Variants in ACHE observed in about 807,000 individuals in gnomAD.
ACHE encodes acetylcholinesterase (Yt blood group), also known as acetylcholinesterase.
ACHE carries 19 observed loss-of-function variants against 53.9 expected under a neutral mutation model. That is an observed-to-expected ratio of 0.35 (90% CI 0.25 to 0.52). The LOEUF is 0.52. Among genes scored for constraint, ACHE ranks in the 20% least tolerant of loss-of-function variants. ACHE has a pLI of 0.95. For synonymous variants in ACHE, 392 were observed against 378.1 expected (o/e 1.04, Z -0.43); for missense variants, 605 against 849.4 (o/e 0.71, Z 3.58).
At position 100,890,424 on chromosome 7, in the gene ACHE, A is replaced by T. The variant is rs1790598904; in HGVS notation, c.1724-89T>A. 4 of 1,527,486 alleles carry T rather than the reference A, an allele frequency of 2.6e-6. No homozygotes were observed. In the South Asian group the frequency reaches 4.9e-5, roughly 19 times the overall value. 94.6% of individuals were successfully genotyped at this position (1,527,486 alleles called of 1,614,324 possible). ...CATTTGGGCGGGTTGAAGGGGGGGT[A>T]TGAGTGCAGGGAGGACGCACGGAGA... On this transcript the variant is annotated intron_variant, in intron 4 of 4. Transcript: ENST00000241069.
Position 100,893,187 on chromosome 7 carries a change from G to A in ACHE, c.1046C>T (p.Ala349Val), listed in dbSNP as rs750142131. The A allele has an allele frequency of 1.4e-4, 223 of 1,613,868 alleles. 1 individual carries two copies. Among genetic ancestry groups the A allele is most frequent in the East Asian group, 2.2e-5 (1 of 44,876 alleles). The change falls in exon 2 of 5, where the codon GCG becomes GTG. Residue 349 changes from alanine to valine, a missense_variant. Coordinates refer to ENST00000241069, the MANE Select transcript of ACHE (RefSeq NM_000665.5). ...TACCTGCAGGCCGTGGAAGTCTCCC[G>A]CGTTGATGAGGGCCTCTGGGGTGTC... ...LSDTPEALIN[A>V]GDFHGLQVLV... is the part of the protein sequence containing the mutation.
Position 100,892,701 on chromosome 7 carries a change from C to T in ACHE, c.1186G>A (p.Val396Ile), listed in dbSNP as rs41281001. The T allele has an allele frequency of 1.2e-6, 2 of 1,613,620 alleles. No homozygotes were observed. ...SRAEFLAGVR[V>I]GVPQVSDLAA... Reference sequence around the variant, plus strand: ...AGGTCACTTACCTGGGGAACCCCGACCCGCACCCCGGCCAGGAACTCGGCC... The same window carrying T: ...AGGTCACTTACCTGGGGAACCCCGATCCGCACCCCGGCCAGGAACTCGGCC... The change falls in exon 3 of 5, where the codon GTC (valine) becomes ATC (isoleucine). Residue 396 changes from valine (V) to isoleucine (I), a missense_variant. By Grantham distance (29) the Val-to-Ile change is conservative. Around this residue, in one of 4 missense-constraint regions of ACHE, gnomAD observed 397 missense variants for 632.5 expected, o/e 0.63. Coordinates refer to ENST00000241069, the MANE Select transcript of ACHE (RefSeq NM_000665.5). This position sits in a 1 kb window ranked among gnomAD's most constrained non-coding sequence, Gnocchi z 5.2.
Position 100,890,155 on chromosome 7 carries a change from A to G in ACHE, c.*59T>C. 6.3e-7 allele frequency: 1 copy of G among 1,592,884 alleles called. No individual in the cohort carries two copies. Among genetic ancestry groups the G allele is most frequent in the Admixed American group, 1.7e-5 (1 of 59,234 alleles). Reference sequence around the variant, plus strand: ...CTGTGTTATAGCCCAGCCCTGAAATAAATAGTATATACAGCTAGGGGGCCG... The same window carrying G: ...CTGTGTTATAGCCCAGCCCTGAAATGAATAGTATATACAGCTAGGGGGCCG... On this transcript the variant is annotated 3_prime_UTR_variant, in exon 5 of 5. Transcript: ENST00000241069.
chr7:100,890,439 A>G (rs1790599923), intron 4 of ACHE, 104 bp from the exon 5 acceptor site: 1 of 1,489,152 alleles, frequency 6.7e-7, no homozygotes, highest in East Asian at 2.5e-5. Flanking sequence ...TGCAGGGAGG[A>G]CGCACGGAGA....
intron 4 of ACHE, 183 bp from the exon 5 acceptor site, chr7:100,890,518 G>A: frequency 7.0e-7 from 1 of 1,428,060 alleles, no homozygotes; most frequent in African/African-American, 1.4e-5. Context: ...GAGGGAGGAT[G>A]AGGGCAGAGG....
chr7:100,893,589 T>G lies in ACHE; in HGVS notation c.644A>C (p.Gln215Pro). ...ACCCCCGAAGGCTGCCACGTTCTCC[T>G]GCACCCACTGCAGGGCCAGCCTCTG... ...LDQRLALQWV[Q>P]ENVAAFGGDP... Residue 215 changes from glutamine to proline, a missense_variant, in exon 2 of 5, where the codon CAG becomes CCG. Physicochemically the swap from Gln to Pro is moderately conservative, Grantham distance 76. Coordinates refer to ENST00000241069, the MANE Select transcript of ACHE (RefSeq NM_000665.5). 1 of 1,612,526 alleles carries G rather than the reference T, an allele frequency of 6.2e-7. No homozygotes were observed. The highest frequency in any genetic ancestry group is 8.5e-7 in the Non-Finnish European group (1 of 1,180,016).
chr7:100,891,063 T>C lies in ACHE; in HGVS notation c.1723+106A>G. On this transcript the variant is annotated intron_variant, in intron 4 of 4. Coordinates refer to ENST00000241069, the MANE Select transcript of ACHE (RefSeq NM_000665.5). ...GAGCAGCCTCCCCATGGGTGAAGCC[T>C]GGGCAGGTGCTGGGAGCCTCCGAGG... The C allele has an allele frequency of 4.7e-6, 7 of 1,500,866 alleles. No homozygotes were observed. In the South Asian group the frequency reaches 9.0e-5, roughly 19 times the overall value. The allele number at this position is 1,500,866 out of a possible 1,614,324, so 93.0% of individuals were successfully genotyped here.
At position 100,890,250 on chromosome 7, in the gene ACHE, G is replaced by A; in HGVS notation, c.1809C>T (p.Asp603=). 2.5e-6 allele frequency: 4 copies of A among 1,613,882 alleles called. No individual in the cohort carries two copies. The highest frequency in any genetic ancestry group is 3.4e-6 in the Non-Finnish European group (4 of 1,179,852). The change falls in exon 5 of 5, where the codon GAC becomes GAT. Residue 603 remains aspartate (D), a synonymous_variant. Coordinates refer to ENST00000241069, the MANE Select transcript of ACHE (RefSeq NM_000665.5). ...AGCAGCGATCCTGCTTGCTGTAGTGGTCGAACTGGTTCTTCCAGTGCACCA... is the reference window on the plus strand; with the variant it reads ...AGCAGCGATCCTGCTTGCTGTAGTGATCGAACTGGTTCTTCCAGTGCACCA... ...SYMVHWKNQF[D]HYSKQDRCSD...
intron 4 of ACHE, chr7:100,890,910 C>G: frequency 6.8e-7 from 1 of 1,472,682 alleles, no homozygotes; most frequent in Non-Finnish European, 9.0e-7. Context: ...ACGGTCCGAC[C>G]ACTCATTAGA....
Position 100,892,531 on chromosome 7 carries a change from C to T in ACHE, c.1356G>A (p.Gln452=), listed in dbSNP as rs145683970. ...VAQLAGRLAA[Q]GARVYAYVFE... ...AGACGTAGGCGTAGACCCGGGCACC[C>T]TGGGCAGCCAGTCGCCCAGCCAGCT... Residue 452 remains glutamine (Q), a synonymous_variant, in exon 3 of 5, where the codon CAG becomes CAA. Coordinates refer to ENST00000241069, the MANE Select transcript of ACHE (RefSeq NM_000665.5). The surrounding 1 kb of genome is among the most constrained non-coding windows in gnomAD (Gnocchi z 5.2). 6.8e-6 allele frequency: 11 copies of T among 1,609,248 alleles called. No homozygotes were observed. Among genetic ancestry groups the T allele is most frequent in the Non-Finnish European group, 9.3e-6 (11 of 1,176,752 alleles).
upstream of ACHE, chr7:100,896,764 C>T: frequency 3.1e-6 from 1 of 319,450 alleles, no homozygotes; most frequent in South Asian, 2.1e-5. Flanking sequence ...TGGGAGCGGC[C>T]TGGCTCGGGC....
rs1206451388 is a variant in ACHE, at chr7:100,892,497, G to A, written c.1390C>T (p.Arg464Cys). The A allele has an allele frequency of 1.3e-6, 2 of 1,591,916 alleles. No homozygotes were observed. Among genetic ancestry groups the A allele is most frequent in the Non-Finnish European group, 1.7e-6 (2 of 1,162,988 alleles). ...ARVYAYVFEH[R>C]ASTLSWPLWM... ...AGGGGCCAGGAGAGCGTGGAAGCAC[G>A]GTGTTCAAAGACGTAGGCGTAGACC... Residue 464 changes from arginine (R) to cysteine (C), a missense_variant, in exon 3 of 5, where the codon CGT becomes TGT. Arg to Cys is a radical substitution (Grantham distance 180). This residue lies in a region of ACHE where 397 missense variants were observed against 632.5 expected (regional missense o/e 0.63). Coordinates refer to ENST00000241069, the MANE Select transcript of ACHE (RefSeq NM_000665.5). The surrounding 1 kb of genome is among the most constrained non-coding windows in gnomAD (Gnocchi z 5.2).
In ACHE at chr7:100,893,871, C is replaced by T. The variant is rs768241205; in HGVS notation, c.362G>A (p.Arg121His). The T allele has an allele frequency of 2.5e-6, 4 of 1,602,176 alleles. No individual in the cohort carries two copies. The highest frequency in any genetic ancestry group is 2.6e-6 in the Non-Finnish European group (3 of 1,173,082). The part of the protein sequence containing the change: ...FEGTEMWNPN[R>H]ELSEDCLYLN... ...GTACAGGCAGTCCTCGCTCAGCTCA[C>T]GGTTGGGGTTCCACATCTCGGTGCC... Residue 121 changes from arginine to histidine, a missense_variant, in exon 2 of 5, where the codon CGT becomes CAT. By Grantham distance (29) the Arg-to-His change is conservative. This residue lies in a region of ACHE where 397 missense variants were observed against 632.5 expected (regional missense o/e 0.63). Transcript: ENST00000241069.
intron 4 of ACHE, 50 bp downstream of exon 4, chr7:100,891,119 C>T: frequency 1.3e-6 from 2 of 1,560,694 alleles, no homozygotes; most frequent in Non-Finnish European, 8.7e-7. Flanking sequence ...TTACACCTGG[C>T]GGGCTCCCAC....
chr7:100,890,231 G>A lies in ACHE; in HGVS notation c.1828C>T (p.Arg610Cys). 1 of 1,614,012 alleles carries A rather than the reference G, an allele frequency of 6.2e-7. No homozygotes were observed. The highest frequency in any genetic ancestry group is 1.1e-5 in the South Asian group (1 of 91,078). ...NQFDHYSKQD[R>C]CSDL ...CGCCGGGGTCACAGGTCTGAGCAGC[G>A]ATCCTGCTTGCTGTAGTGGTCGAAC... The change falls in exon 5 of 5, where the codon CGC (arginine) becomes TGC (cysteine). Residue 610 changes from arginine to cysteine, a missense_variant. Physicochemically the swap from Arg to Cys is radical, Grantham distance 180 (BLOSUM62 -3). Coordinates refer to ENST00000241069, the MANE Select transcript of ACHE (RefSeq NM_000665.5).
chr7:100,893,027 G>T, intron 2 of ACHE, 138 bp downstream of exon 2: 1 of 1,208,044 alleles, frequency 8.3e-7, no homozygotes. Flanking sequence ...ACCACCCTGG[G>T]ATCTGAGCCC....
Position 100,893,225 on chromosome 7 carries a change from T to C in ACHE, c.1008A>G (p.Gly336=). The change falls in exon 2 of 5, where the codon GGA becomes GGG. Residue 336 remains glycine (G), a synonymous_variant. Coordinates refer to ENST00000241069, the MANE Select transcript of ACHE (RefSeq NM_000665.5). ...FRFSFVPVVD[G]DFLSDTPEAL... ...CCTCTGGGGTGTCACTGAGGAAGTCTCCATCTACCACAGGCACGAAGGAGA... is the reference window on the plus strand; with the variant it reads ...CCTCTGGGGTGTCACTGAGGAAGTCCCCATCTACCACAGGCACGAAGGAGA... The C allele has an allele frequency of 6.2e-7, 1 of 1,614,050 alleles. No homozygotes were observed. Among genetic ancestry groups the C allele is most frequent in the Non-Finnish European group, 8.5e-7 (1 of 1,180,018 alleles).
intron 4 of ACHE, 158 bp from the exon 5 acceptor site, chr7:100,890,493 A>G (rs1222624283): frequency 2.7e-5 from 39 of 1,437,926 alleles, no homozygotes; most frequent in Non-Finnish European, 3.6e-5. Flanking sequence ...GATCAGGAGA[A>G]TGTGCGAAAG....
rs745829096 is a variant in ACHE at position 100,892,372 on chromosome 7, C to A, written c.1515G>T (p.Gln505His). ...NYTAEEKIFA[Q>H]RLMRYWANFA... ...AGTTGGCCCAGTATCGCATCAGTCG[C>A]TGGGCGAAGATTTTCTCCTCTGCCG... Residue 505 changes from glutamine (Q) to histidine (H), a missense_variant, in exon 3 of 5, where the codon CAG becomes CAT. By Grantham distance (24) the Gln-to-His change is conservative (BLOSUM62 0). Coordinates refer to ENST00000241069, the MANE Select transcript of ACHE (RefSeq NM_000665.5). The surrounding 1 kb of genome is among the most constrained non-coding windows in gnomAD (Gnocchi z 5.2). 17 of 1,516,520 alleles carry A rather than the reference C, an allele frequency of 1.1e-5. No homozygotes were observed. The Admixed American group carries it at 3.6e-4, about 32-fold the overall frequency. The allele number at this position is 1,516,520 out of a possible 1,614,324, so 93.9% of individuals were successfully genotyped here.
Sources: allele counts gnomAD v4.1 joint callset, GRCh38; gene constraint gnomAD v4.1.1; regional missense constraint gnomAD v4.1.1; non-coding constraint Gnocchi (gnomAD v3.1); transcripts MANE v1.5; gene names NCBI Gene and HGNC (gene_info 2026-07-23, HGNC 2026-07-21).